The following CASP9 variants were observed in gnomAD, a reference collection of about 807,000 sequenced individuals.
The protein encoded by CASP9 is caspase-9.
Under a neutral mutation model 43.5 loss-of-function variants are expected in CASP9, and 29 were observed. That is an observed-to-expected ratio of 0.67 (90% CI 0.50 to 0.91). The LOEUF is 0.91. CASP9 is among the 40% of genes least tolerant of loss of function. The pLI is 0.00. For synonymous variants in CASP9, 206 were observed against 211.9 expected (o/e 0.97, Z 0.24); for missense variants, 575 against 537.4 (o/e 1.07, Z -0.69).
At position 15,494,862 on chromosome 1, in the gene CASP9, C is replaced by CAAAAAAAAA. The variant is rs563954013; in HGVS notation, c.1048+402_1048+410dup. Among the ~76,000 whole-genome samples, 53 of 44,294 alleles carry CAAAAAAAAA rather than the reference C, an allele frequency of 1.2e-3. 2 individuals are homozygous for CAAAAAAAAA. Among genetic ancestry groups the CAAAAAAAAA allele is most frequent in the African/African-American group, 3.5e-3 (49 of 13,824 alleles). 29.1% of individuals were successfully genotyped at this position (44,294 alleles called of 152,430 possible). ...TGGGCAACAGAGCGAGATTCCATCTCAAAAAAAAAAAAAAAAAAAAAAAAG... is the reference window on the plus strand; with the variant it reads ...TGGGCAACAGAGCGAGATTCCATCTCAAAAAAAAAAAAAAAAAAAAAAAAAAAAAAAAAG... On this transcript the variant is annotated intron_variant, in intron 7 of 8. Coordinates refer to ENST00000333868, the MANE Select transcript of CASP9 (RefSeq NM_001229.5).
At chr1:15,498,834 C>T (rs1380455088) in intron 6 of CASP9, among the ~76,000 whole-genome samples, 1 of 149,630 alleles carries the variant, frequency 6.7e-6, no homozygotes, top group Non-Finnish European at 1.5e-5. Context: ...GCAAGCTTCG[C>T]CTCCTGGGTT....
chr1:15,510,174 C>T (rs994371948), intron 2 of CASP9, among the ~76,000 whole-genome samples: 6 of 152,210 alleles, frequency 3.9e-5, no homozygotes, highest in Admixed American at 3.9e-4. Context: ...AGGTGATCCA[C>T]CTGCCTCACC....
chr1:15,494,096 C>T, intron 7 of CASP9, 95 bp from the exon 8 acceptor site: 2 of 1,482,368 alleles, frequency 1.3e-6, no homozygotes, highest in South Asian at 1.3e-5. Flanking sequence ...CGGGCGCCCT[C>T]CAGACCTTGA....
Position 15,503,491 on chromosome 1 carries a change from T to A in CASP9, c.868+1120A>T, listed in dbSNP as rs1446879382. Among the ~76,000 whole-genome samples the A allele has an allele frequency of 3.3e-5, 5 of 152,332 alleles. No homozygotes were observed. The East Asian group carries it at 9.6e-4, about 29-fold the overall frequency. On this transcript the variant is annotated intron_variant, in intron 6 of 8. Coordinates refer to ENST00000333868, the MANE Select transcript of CASP9 (RefSeq NM_001229.5). ...TGACTTAATACAGTTCATGTCAAAT[T>A]ATAAATTCCAGGAGACTGAAACTCT...
At chr1:15,502,363 G>A (rs1235808032) in intron 6 of CASP9, among the ~76,000 whole-genome samples, 1 of 152,190 alleles carries the variant, frequency 6.6e-6, no homozygotes, top group African/African-American at 2.4e-5. Context: ...GCTCATGCCT[G>A]TTATCCCAGC....
intron 2 of CASP9, among the ~76,000 whole-genome samples, chr1:15,517,826 T>C (rs1012926704): frequency 1.3e-5 from 2 of 149,834 alleles, no homozygotes; most frequent in Non-Finnish European, 3.0e-5. Flanking sequence ...TCTGGAAACA[T>C]TGATCAAAAC....
chr1:15,518,445 G>T lies in CASP9; in HGVS notation c.133-50C>A, dbSNP rs754724972. On this transcript the variant is annotated intron_variant, in intron 1 of 8. Coordinates refer to ENST00000333868, the MANE Select transcript of CASP9 (RefSeq NM_001229.5). Reference sequence around the variant, plus strand: ...CTAATTATCCACGTACTTTTATATGGCTCTCACCTTGTCTCCCCATTTCCC... The same window carrying T: ...CTAATTATCCACGTACTTTTATATGTCTCTCACCTTGTCTCCCCATTTCCC... The T allele has an allele frequency of 2.6e-6, 4 of 1,560,020 alleles. No individual in the cohort carries two copies. In the East Asian group the frequency reaches 6.8e-5, roughly 26 times the overall value.
rs999391179 is a variant in CASP9, at chr1:15,515,663, C to A, written c.418+2447G>T. The stretch of plus-strand genomic sequence containing the variant: ...GTGAATTTTTGTTGAAAGAAAACAG[C>A]ACTTTTTACCCATCACACAGGAAAA... On this transcript the variant is annotated intron_variant, in intron 2 of 8. Transcript: ENST00000333868. 8.5e-5 allele frequency among the ~76,000 whole-genome samples: 13 copies of A among 152,322 alleles called. No homozygotes were observed. The East Asian group carries it at 2.3e-3, about 27-fold the overall frequency.
chr1:15,501,840 T>C (rs956220236), intron 6 of CASP9, among the ~76,000 whole-genome samples: 1 of 152,136 alleles, frequency 6.6e-6, no homozygotes, highest in African/African-American at 2.4e-5. Context: ...AGTGTAAACA[T>C]GGCTCACTGT....
intron 1 of CASP9, among the ~76,000 whole-genome samples, chr1:15,519,727 C>T (rs907862856): frequency 1.3e-5 from 2 of 152,256 alleles, no homozygotes; most frequent in African/African-American, 4.8e-5. Context: ...GACAGGCAGG[C>T]CAGGCACAGT....
At chr1:15,502,198 A>C (rs1447526170) in intron 6 of CASP9, among the ~76,000 whole-genome samples, 1 of 152,040 alleles carries the variant, frequency 6.6e-6, no homozygotes, top group Admixed American at 6.6e-5. Context: ...CAATACAATG[A>C]GACAGTGCTA....
At chr1:15,504,909 C>T (rs1251217342) in intron 5 of CASP9, 151 bp from the exon 6 acceptor site, 3 of 685,204 alleles carry the variant, frequency 4.4e-6, no homozygotes, top group Non-Finnish European at 7.3e-6. Context: ...TCTGGAAAGA[C>T]CCTGGTCAGC....
Position 15,524,125 on chromosome 1 carries a change from A to G in CASP9, c.76T>C (p.Trp26Arg), listed in dbSNP as rs775197782. The change falls in exon 1 of 9, where the codon TGG becomes CGG. Residue 26 changes from tryptophan (W) to arginine (R), a missense_variant. Physicochemically the swap from Trp to Arg is moderately radical, Grantham distance 101. Coordinates refer to ENST00000333868, the MANE Select transcript of CASP9 (RefSeq NM_001229.5). Reference sequence around the variant, plus strand: ...AGCTCGCGGCTCAGCAGGGCGTCCCAGAGCTGGTCCACCTGCAGCTCTTCC... The same window carrying G: ...AGCTCGCGGCTCAGCAGGGCGTCCCGGAGCTGGTCCACCTGCAGCTCTTCC... ...LVEELQVDQL[W>R]DALLSRELFR... is the part of the protein sequence containing the mutation. 1 of 1,541,548 alleles carries G rather than the reference A, an allele frequency of 6.5e-7. No homozygotes were observed.
At chr1:15,517,662 A>C (rs888757955) in intron 2 of CASP9, among the ~76,000 whole-genome samples, 1 of 152,170 alleles carries the variant, frequency 6.6e-6, no homozygotes, top group African/African-American at 2.4e-5. Context: ...CCTGCCTTGC[A>C]AGGTTGCTAT....
In CASP9 at chr1:15,491,495, A is replaced by T. The variant is rs1708894225; in HGVS notation, c.*1448T>A. On this transcript the variant is annotated 3_prime_UTR_variant, in exon 9 of 9. Coordinates refer to ENST00000333868, the MANE Select transcript of CASP9 (RefSeq NM_001229.5). ...GAAATAGGTCAGGCGCAATGGCTCA[A>T]GCCTGTAACCCCTGCACTTTGGGAG... 2 of 765,756 alleles carry T rather than the reference A, an allele frequency of 2.6e-6. No individual in the cohort carries two copies. Among genetic ancestry groups the T allele is most frequent in the Non-Finnish European group, 4.2e-6 (2 of 479,262 alleles). The allele number at this position is 765,756 out of a possible 1,614,324, so 47.4% of individuals were successfully genotyped here.
chr1:15,492,788 T>A lies in CASP9; in HGVS notation c.*155A>T. The A allele has an allele frequency of 2.0e-6, 2 of 1,024,848 alleles. No individual in the cohort carries two copies. The highest frequency in any genetic ancestry group is 2.8e-6 in the Non-Finnish European group (2 of 703,692). The allele number at this position is 1,024,848 out of a possible 1,614,324, so 63.5% of individuals were successfully genotyped here. A position where few individuals can be genotyped will look rare whatever the true frequency, so the allele number is the denominator to read the frequency against. ...CAGCACTTGTCGTCAATCTGGAAGC[T>A]GCTAAGAGCCTGTCTGTCACTGGCA... On this transcript the variant is annotated 3_prime_UTR_variant, in exon 9 of 9. Transcript: ENST00000333868.
upstream of CASP9, chr1:15,524,765 C>CT: frequency 9.9e-7 from 1 of 1,007,472 alleles, no homozygotes; most frequent in Non-Finnish European, 1.2e-6. Context: ...GCCACCGCGT[C>CT]ACCGCCCACT....
intron 5 of CASP9, among the ~76,000 whole-genome samples, chr1:15,505,663 G>A (rs1709489555): frequency 1.3e-5 from 2 of 152,074 alleles, no homozygotes. Context: ...TGCCTCACAG[G>A]ACAGAGACAG....
rs182644662 is a variant in CASP9, at chr1:15,503,123, A to T, written c.868+1488T>A. On this transcript the variant is annotated intron_variant, in intron 6 of 8. Transcript: ENST00000333868. ...TAAAGTTGCCTGGGCACAGTGGCTC[A>T]CGCCTGTAATCCCAGCACTTTGGGA... 1.4e-3 allele frequency among the ~76,000 whole-genome samples: 218 copies of T among 152,294 alleles called. 1 individual carries two copies. Among genetic ancestry groups the T allele is most frequent in the Non-Finnish European group, 2.3e-3 (154 of 68,026 alleles).
Sources: gnomAD v4.1 joint callset for allele counts (sites outside exome capture counted in the v4.1 genomes callset) on GRCh38, gnomAD v4.1.1 for gene constraint, MANE v1.5 for transcripts, NCBI Gene and HGNC (gene_info 2026-07-23, HGNC 2026-07-21) for gene names.